Variants in ZNF320 observed in about 807,000 individuals in gnomAD.
ZNF320 encodes the protein zinc finger protein 320.
Under a neutral mutation model 6.8 loss-of-function variants are expected in ZNF320, and 2 were observed. The ratio of observed to expected loss-of-function variants is 0.29; its 90% CI spans 0.12 to 0.93. The LOEUF is 0.93. Among genes scored for constraint, ZNF320 ranks in the 40% least tolerant of loss-of-function variants. ZNF320 has a pLI of 0.55. For missense variants in ZNF320, 472 were observed against 611.0 expected (o/e 0.77, Z 2.40); for synonymous variants, 208 against 203.2 (o/e 1.02, Z -0.20).
chr19:52,899,183 G>C (rs1191758104), upstream of ZNF320, among the ~76,000 whole-genome samples: 1 of 152,222 alleles, frequency 6.6e-6, no homozygotes, highest in Non-Finnish European at 1.5e-5. Flanking sequence ...GCAAACAAGA[G>C]AGCAGTAAGC....
In ZNF320 at chr19:52,878,801, C is replaced by T. The variant is rs1345063721; in HGVS notation, c.*1795G>A. 6.6e-6 allele frequency: 1 copy of T among 152,218 alleles called. No homozygotes were observed. Among genetic ancestry groups the T allele is most frequent in the Non-Finnish European group, 1.5e-5 (1 of 68,074 alleles). 9.4% of individuals were successfully genotyped at this position (152,218 alleles called of 1,614,324 possible). On this transcript the variant is annotated 3_prime_UTR_variant, in exon 6 of 6. Coordinates refer to ENST00000682928, the MANE Select transcript of ZNF320 (RefSeq NM_001351774.2). ...CTAGGCTCAAGCCATCCTCCCACTG[C>T]AGACTCCACAGAAGCTGAACCAGCA...
At chr19:52,884,276 T>C (rs2064009224) in intron 5 of ZNF320, among the ~76,000 whole-genome samples, 1 of 151,978 alleles carries the variant, frequency 6.6e-6, no homozygotes, top group Non-Finnish European at 1.5e-5. Context: ...GTCACGCTCT[T>C]ATCACCCAGG....
At chr19:52,865,720 CAT>C (rs1170044819) in intron 5 of ZNF320, among the ~76,000 whole-genome samples, 1 of 109,820 alleles carries the variant, frequency 9.1e-6, no homozygotes, top group Non-Finnish European at 1.7e-5. Context: ...TGATTATACA[CAT>C]ATTTATATAT....
intron 5 of ZNF320, among the ~76,000 whole-genome samples, chr19:52,883,186 C>T (rs772339465): frequency 6.6e-5 from 10 of 151,898 alleles, no homozygotes; most frequent in Non-Finnish European, 8.8e-5. Flanking sequence ...GGATTACAGG[C>T]GCACACCACT....
exon 6 of ZNF320, chr19:52,863,947 C>CA (rs1370094269): frequency 3.5e-5 from 14 of 404,568 alleles, no homozygotes; most frequent in South Asian, 1.4e-4. Flanking sequence ...ACGTATGGGG[C>CA]AAAATCACAA....
At chr19:52,875,690 T>A, downstream of ZNF320, among the ~76,000 whole-genome samples, 1 of 151,638 alleles carries the variant, frequency 6.6e-6, no homozygotes. Flanking sequence ...CTGACTGTGG[T>A]GGATCTTTGG....
At chr19:52,891,507 G>A (rs2064291770) in intron 2 of ZNF320, among the ~76,000 whole-genome samples, 161 bp from the exon 3 acceptor site, 3 of 152,192 alleles carry the variant, frequency 2.0e-5, no homozygotes, top group Admixed American at 2.0e-4. Flanking sequence ...AAAGGGAGAT[G>A]GCTGTGATCA....
At chr19:52,864,378 C>A (rs2063508822) in intron 5 of ZNF320, among the ~76,000 whole-genome samples, 1 of 152,074 alleles carries the variant, frequency 6.6e-6, no homozygotes, top group Admixed American at 6.6e-5. Flanking sequence ...CAAATAAAAA[C>A]TAAATATAGT....
rs141962083 is a variant in ZNF320, at chr19:52,892,497, T to A, written c.-191-1151A>T. Among the ~76,000 whole-genome samples, 550 of 152,142 alleles carry A rather than the reference T, an allele frequency of 3.6e-3. 4 individuals carry two copies. The highest frequency in any genetic ancestry group is 0.013 in the African/African-American group (531 of 41,502). On this transcript the variant is annotated intron_variant, in intron 2 of 5. Transcript: ENST00000682928. ...CAGATACAGTGGCTCATGCCTGTAA[T>A]CCCAGCACTTTGGGAGGTCAAGGCA...
chr19:52,900,058 A>C (rs2064566520), upstream of ZNF320, among the ~76,000 whole-genome samples: 1 of 152,144 alleles, frequency 6.6e-6, no homozygotes, highest in African/African-American at 2.4e-5. Context: ...CAGTAAGAGG[A>C]AAGATGGCTT....
chr19:52,860,234 A>G (rs1343680553), downstream of ZNF320, among the ~76,000 whole-genome samples: 1 of 152,120 alleles, frequency 6.6e-6, no homozygotes, highest in Non-Finnish European at 1.5e-5. Flanking sequence ...ATAGGCGCCT[A>G]GGTAAAAACT....
intron 5 of ZNF320, among the ~76,000 whole-genome samples, chr19:52,884,938 T>C (rs1039472986): frequency 2.0e-5 from 3 of 152,024 alleles, no homozygotes; most frequent in African/African-American, 7.2e-5. Context: ...ATGTAGGGCA[T>C]GGTAATCCCA....
rs532829760 is a variant in ZNF320, at chr19:52,862,402, G to A, written c.*1627C>T. 5.6e-4 allele frequency: 258 copies of A among 456,802 alleles called. 2 individuals carry two copies. The highest frequency in any genetic ancestry group is 4.1e-3 in the South Asian group (248 of 60,450). The allele number at this position is 456,802 out of a possible 1,614,324, so 28.3% of individuals were successfully genotyped here. ...CTATGTCTTTCAAGCTGTGATTTAC[G>A]ACTGAAAACTTTGTCACAGGTTTTT... is the stretch of plus-strand genomic sequence containing the variant. On this transcript the variant is annotated 3_prime_UTR_variant, in exon 6 of 6. Coordinates refer to the ZNF320 transcript ENST00000673631.
At chr19:52,874,222 A>T (rs1337608391), downstream of ZNF320, 4 of 187,818 alleles carry the variant, frequency 2.1e-5, no homozygotes, top group Admixed American at 2.4e-4. Context: ...AGAAGGTGCC[A>T]CAGGAAGACC....
upstream of ZNF320, among the ~76,000 whole-genome samples, chr19:52,901,778 T>G (rs1435457447): frequency 6.6e-6 from 1 of 152,274 alleles, no homozygotes; most frequent in Non-Finnish European, 1.5e-5. Context: ...TATCTGCTTC[T>G]TGTGCTAACA....
intron 4 of ZNF320, among the ~76,000 whole-genome samples, chr19:52,888,771 C>G (rs1379505215): frequency 1.3e-5 from 2 of 151,812 alleles, no homozygotes; most frequent in Admixed American, 1.3e-4. Context: ...CCCAGATTTT[C>G]AAAATATAAA....
chr19:52,890,872 C>T (rs768597328), intron 3 of ZNF320, among the ~76,000 whole-genome samples: 3 of 145,310 alleles, frequency 2.1e-5, no homozygotes, highest in Admixed American at 2.1e-4. Context: ...AAAATTGGGC[C>T]GGGCGCGGTG....
chr19:52,860,163 C>G (rs868398578), downstream of ZNF320, among the ~76,000 whole-genome samples: 1 of 152,156 alleles, frequency 6.6e-6, no homozygotes, highest in African/African-American at 2.4e-5. Context: ...GCTCCCGCCT[C>G]GGCCTCCCAA....
chr19:52,900,049 A>G (rs1188587127), upstream of ZNF320, among the ~76,000 whole-genome samples: 1 of 152,176 alleles, frequency 6.6e-6, no homozygotes, highest in Non-Finnish European at 1.5e-5. Flanking sequence ...ATTTATGGGC[A>G]GTAAGAGGAA....
Sources: allele counts gnomAD v4.1 joint callset (sites outside exome capture counted in the v4.1 genomes callset), GRCh38; gene constraint gnomAD v4.1.1; transcripts MANE v1.5; gene names NCBI Gene and HGNC (gene_info 2026-07-23, HGNC 2026-07-21).